DDX10: variants seen among roughly 807,000 people sequenced by gnomAD.
DDX10 encodes probable ATP-dependent RNA helicase DDX10.
Under a neutral mutation model 104.3 loss-of-function variants are expected in DDX10, and 74 were observed. That is an observed-to-expected ratio of 0.71 (90% CI 0.59 to 0.86). DDX10 has a LOEUF of 0.86. DDX10 is among the 40% of genes least tolerant of loss of function. The probability of loss-of-function intolerance (pLI) is 0.00; values close to 1 mark genes in which losing one functional copy is unlikely to be tolerated. For synonymous variants in DDX10, 351 were observed against 353.4 expected (o/e 0.99, Z 0.08); for missense variants, 952 against 1,040.0 (o/e 0.92, Z 1.16).
chr11:108,749,147 G>T (rs550494593), intron 13 of DDX10, among the ~76,000 whole-genome samples: 3 of 151,372 alleles, frequency 2.0e-5, no homozygotes, highest in Admixed American at 6.6e-5. Context: ...TGATCTGCCC[G>T]CCTCGGCCTC....
In DDX10 at chr11:108,790,763, G is replaced by GT. The variant is rs1160887592; in HGVS notation, c.1966-47672dup. ...GTGCCACTTCATGGTCTCTCTTTTTGTTTTTTTTTTTGACTCTTAAAATTT... is the reference window on the plus strand; with the variant it reads ...GTGCCACTTCATGGTCTCTCTTTTTGTTTTTTTTTTTTGACTCTTAAAATTT... On this transcript the variant is annotated intron_variant, in intron 13 of 17. Coordinates refer to ENST00000322536, the MANE Select transcript of DDX10 (RefSeq NM_004398.4). Among the ~76,000 whole-genome samples the GT allele has an allele frequency of 6.1e-3, 879 of 143,296 alleles. 3 individuals carry two copies. The highest frequency in any genetic ancestry group is 6.6e-3 in the African/African-American group (260 of 39,474). The allele number at this position is 143,296 out of a possible 152,430, so 94.0% of individuals were successfully genotyped here.
intron 2 of DDX10, among the ~76,000 whole-genome samples, chr11:108,673,983 T>C (rs2094220521): frequency 6.6e-6 from 1 of 152,234 alleles, no homozygotes; most frequent in Middle Eastern, 3.2e-3. Context: ...CCTTGGCTTG[T>C]GGATGGCTGC....
intron 13 of DDX10, among the ~76,000 whole-genome samples, chr11:108,726,624 G>A (rs1565259949): frequency 6.6e-6 from 1 of 151,974 alleles, no homozygotes; most frequent in Non-Finnish European, 1.5e-5. Flanking sequence ...TGAGGTTTGT[G>A]AATGAGGATG....
chr11:108,820,792 G>T (rs1384347935), intron 13 of DDX10, among the ~76,000 whole-genome samples: 1 of 152,214 alleles, frequency 6.6e-6, no homozygotes, highest in Non-Finnish European at 1.5e-5. Context: ...GGTGTTTTCA[G>T]ACAGGTCTGC....
chr11:108,904,046 C>G (rs1863555546), intron 16 of DDX10, among the ~76,000 whole-genome samples: 1 of 152,016 alleles, frequency 6.6e-6, no homozygotes, highest in Non-Finnish European at 1.5e-5. Context: ...TTTTATTCCA[C>G]TGTCCTTGAG....
chr11:108,925,452 C>T (rs1253444879), intron 17 of DDX10, among the ~76,000 whole-genome samples: 1 of 152,180 alleles, frequency 6.6e-6, no homozygotes, highest in Non-Finnish European at 1.5e-5. Flanking sequence ...CTAAGATGAA[C>T]CACCCTTGCT....
At chr11:108,680,716 T>C (rs2094233691) in intron 6 of DDX10, among the ~76,000 whole-genome samples, 1 of 152,198 alleles carries the variant, frequency 6.6e-6, no homozygotes, top group Admixed American at 6.5e-5. Context: ...AATGTTAGCC[T>C]AAAAAGAAAT....
chr11:108,816,850 G>A (rs555705117), intron 13 of DDX10, among the ~76,000 whole-genome samples: 1 of 152,000 alleles, frequency 6.6e-6, no homozygotes, highest in East Asian at 1.9e-4. Flanking sequence ...CACCACACCC[G>A]GCCAATAAAA....
At chr11:108,821,021 A>G (rs1862319743) in intron 13 of DDX10, among the ~76,000 whole-genome samples, 1 of 152,196 alleles carries the variant, frequency 6.6e-6, no homozygotes, top group East Asian at 1.9e-4. Flanking sequence ...ATAATTATTG[A>G]TTTGTTTAAG....
chr11:108,666,691 GTC>G (rs1350312194), intron 1 of DDX10, among the ~76,000 whole-genome samples: 1 of 152,158 alleles, frequency 6.6e-6, no homozygotes, highest in Non-Finnish European at 1.5e-5. Flanking sequence ...CATAACTCCA[GTC>G]TCTGCCTTCT....
In DDX10 at chr11:108,832,667, A is replaced by G. The variant is rs527436020; in HGVS notation, c.1966-5779A>G. ...AGCCTAATAATATACTTAGCTGCAG[A>G]TGCAGTAAATCAATTCCTTATAAAT... On this transcript the variant is annotated intron_variant, in intron 13 of 17. Coordinates refer to ENST00000322536, the MANE Select transcript of DDX10 (RefSeq NM_004398.4). Among the ~76,000 whole-genome samples, 72 of 152,366 alleles carry G rather than the reference A, an allele frequency of 4.7e-4. 1 individual carries two copies. The South Asian group carries it at 0.012, about 25-fold the overall frequency.
Position 108,723,227 on chromosome 11 carries a change from C to G in DDX10, c.1730C>G (p.Thr577Ser), listed in dbSNP as rs770777108. Residue 577 changes from threonine (T) to serine (S), a missense_variant, in exon 13 of 18, where the codon ACT (threonine) becomes AGT (serine). Transcript: ENST00000322536. ...EGTEHRQDND[T>S]GNEEQEEEED... ...ACAGAGCACAGACAGGATAATGATA[C>G]TGGTAATGAAGAACAGGAAGAAGAA... The G allele has an allele frequency of 1.2e-6, 2 of 1,613,556 alleles. No homozygotes were observed. Among genetic ancestry groups the G allele is most frequent in the East Asian group, 4.5e-5 (2 of 44,768 alleles).
chr11:108,701,172 C>T (rs1037444293), intron 9 of DDX10, among the ~76,000 whole-genome samples: 2 of 151,958 alleles, frequency 1.3e-5, no homozygotes, highest in Non-Finnish European at 2.9e-5. Context: ...TCAGACATTC[C>T]ATAAGTCAGA....
chr11:108,903,389 A>C (rs1863544154), intron 16 of DDX10, among the ~76,000 whole-genome samples: 2 of 152,106 alleles, frequency 1.3e-5, no homozygotes, highest in African/African-American at 4.8e-5. Context: ...ATATACCAGG[A>C]CTTCATTTCT....
At chr11:108,858,873 T>C (rs553299222) in intron 16 of DDX10, among the ~76,000 whole-genome samples, 8 of 152,302 alleles carry the variant, frequency 5.3e-5, no homozygotes, top group Non-Finnish European at 4.4e-5. Context: ...TTTGATATGT[T>C]GATTTTCACC....
intron 9 of DDX10, among the ~76,000 whole-genome samples, chr11:108,699,071 C>T (rs1362057778): frequency 6.6e-6 from 1 of 152,150 alleles, no homozygotes; most frequent in Non-Finnish European, 1.5e-5. Context: ...TATATTTTTA[C>T]ATTGCTTTCA....
Position 108,725,786 on chromosome 11 carries a change from T to A in DDX10, c.1965+2324T>A, listed in dbSNP as rs189616039. ...TCTGGCAAAGAGCAGGTATCTTAAATTTTGAAGTCTGATTTCAATCACATT... is the reference window on the plus strand; with the variant it reads ...TCTGGCAAAGAGCAGGTATCTTAAAATTTGAAGTCTGATTTCAATCACATT... On this transcript the variant is annotated intron_variant, in intron 13 of 17. Transcript: ENST00000322536. Among the ~76,000 whole-genome samples the A allele has an allele frequency of 5.9e-3, 905 of 152,124 alleles. 16 individuals carry two copies. Among genetic ancestry groups the A allele is most frequent in the South Asian group, 0.02 (98 of 4,826 alleles).
intron 13 of DDX10, among the ~76,000 whole-genome samples, chr11:108,789,637 C>T (rs1310177900): frequency 6.6e-6 from 1 of 152,172 alleles, no homozygotes; most frequent in Non-Finnish European, 1.5e-5. Flanking sequence ...GACTGAAGTT[C>T]TACTTCTTGT....
intron 9 of DDX10, among the ~76,000 whole-genome samples, chr11:108,704,260 A>G (rs1359714308): frequency 2.0e-5 from 3 of 152,164 alleles, no homozygotes; most frequent in Non-Finnish European, 2.9e-5. Context: ...TTCTTGCCCT[A>G]TGTAGATTTG....
Sources: allele counts gnomAD v4.1 joint callset (sites outside exome capture counted in the v4.1 genomes callset), GRCh38; gene constraint gnomAD v4.1.1; transcripts MANE v1.5; gene names NCBI Gene and HGNC (gene_info 2026-07-23, HGNC 2026-07-21).